The following DNAJC1 variants were observed in gnomAD, a reference collection of about 807,000 sequenced individuals.
The protein encoded by DNAJC1 is DnaJ heat shock protein family (Hsp40) member C1.
A neutral mutation model predicts 76.6 loss-of-function variants in DNAJC1; 58 were observed. That is an observed-to-expected ratio of 0.76 (90% confidence interval 0.61 to 0.94). DNAJC1 has a LOEUF of 0.94. DNAJC1 is among the 40% of genes least tolerant of loss of function. The probability of loss-of-function intolerance (pLI) is 0.00; values close to 1 mark genes in which losing one functional copy is unlikely to be tolerated. For synonymous variants in DNAJC1, 258 were observed against 267.9 expected (o/e 0.96, Z 0.36); for missense variants, 689 against 677.3 (o/e 1.02, Z -0.19).
intron 8 of DNAJC1, among the ~76,000 whole-genome samples, chr10:21,880,537 T>C (rs1414839829): frequency 6.6e-6 from 1 of 152,136 alleles, no homozygotes; most frequent in East Asian, 1.9e-4. Flanking sequence ...ATATAGACAA[T>C]GTTCATCTCC....
intron 1 of DNAJC1, among the ~76,000 whole-genome samples, chr10:21,956,017 GT>G (rs1365727317): frequency 3.9e-5 from 6 of 152,088 alleles, no homozygotes; most frequent in African/African-American, 1.4e-4. Flanking sequence ...CATTATCTTT[GT>G]ATTGTGATGC....
Position 22,003,708 on chromosome 10 carries a change from G to T in DNAJC1, c.-274C>A, listed in dbSNP as rs909100947. 5 of 353,076 alleles carry T rather than the reference G, an allele frequency of 1.4e-5. No homozygotes were observed. Among genetic ancestry groups the T allele is most frequent in the African/African-American group, 1.1e-4 (5 of 46,904 alleles). 21.9% of individuals were successfully genotyped at this position (353,076 alleles called of 1,614,324 possible). On this transcript the variant is annotated 5_prime_UTR_variant, in exon 1 of 12. Coordinates refer to ENST00000376980, the MANE Select transcript of DNAJC1 (RefSeq NM_022365.4). ...GCCTACACACAGCTGTAGAGGCAGC[G>T]CCCGGCGCCTGGGCTGCACAGTGGG...
chr10:21,965,498 C>T (rs931210975), intron 1 of DNAJC1, among the ~76,000 whole-genome samples: 4 of 152,126 alleles, frequency 2.6e-5, no homozygotes, highest in African/African-American at 9.7e-5. Context: ...ACTTGCTGGG[C>T]TGCATTCCCA....
chr10:21,965,261 A>T (rs1329933605), intron 1 of DNAJC1, among the ~76,000 whole-genome samples: 1 of 152,130 alleles, frequency 6.6e-6, no homozygotes, highest in Non-Finnish European at 1.5e-5. Flanking sequence ...TCTGCTGTCT[A>T]GTCTATTTTG....
rs148861473 is a variant in DNAJC1 at position 21,868,932 on chromosome 10, T to C, written c.978+13350A>G. On this transcript the variant is annotated intron_variant, in intron 8 of 11. Coordinates refer to ENST00000376980, the MANE Select transcript of DNAJC1 (RefSeq NM_022365.4). ...TGACAAAACAGATTCTTTGTAGCAA[T>C]AGGATACCAAATTCCAACCTTTGGT... 1.6e-3 allele frequency among the ~76,000 whole-genome samples: 238 copies of C among 152,016 alleles called. 2 individuals carry two copies. The highest frequency in any genetic ancestry group is 4.4e-3 in the African/African-American group (183 of 41,398).
intron 1 of DNAJC1, among the ~76,000 whole-genome samples, chr10:21,943,473 G>A (rs1026345318): frequency 6.6e-6 from 1 of 152,120 alleles, no homozygotes; most frequent in East Asian, 1.9e-4. Flanking sequence ...TCTGCCTACT[G>A]TACCTTCCAA....
chr10:21,845,466 T>A (rs971186529), intron 8 of DNAJC1, among the ~76,000 whole-genome samples: 4 of 151,854 alleles, frequency 2.6e-5, no homozygotes, highest in Non-Finnish European at 2.9e-5. Context: ...CCTATTCTCC[T>A]GCCTTAGCCT....
intron 9 of DNAJC1, among the ~76,000 whole-genome samples, chr10:21,781,191 C>T (rs1488310049): frequency 6.6e-6 from 1 of 152,154 alleles, no homozygotes; most frequent in Admixed American, 6.5e-5. Flanking sequence ...ATCAAAGAGA[C>T]AGAAAGTTAA....
intron 7 of DNAJC1, among the ~76,000 whole-genome samples, chr10:21,895,745 G>T (rs1393845007): frequency 6.6e-6 from 1 of 152,080 alleles, no homozygotes; most frequent in African/African-American, 2.4e-5. Context: ...GACCGCAAAG[G>T]CATTTTGGAG....
intron 6 of DNAJC1, among the ~76,000 whole-genome samples, chr10:21,918,382 T>G (rs1564826913): frequency 6.6e-6 from 1 of 151,092 alleles, no homozygotes; most frequent in Non-Finnish European, 1.5e-5. Flanking sequence ...AAAGTTTTTT[T>G]TTTTTTTTTT....
intron 8 of DNAJC1, among the ~76,000 whole-genome samples, chr10:21,845,194 A>G (rs984198971): frequency 3.3e-5 from 5 of 152,080 alleles, no homozygotes; most frequent in Non-Finnish European, 7.4e-5. Flanking sequence ...AGCACTAGTG[A>G]CAAGATGATA....
chr10:21,896,298 G>T (rs1836541492), intron 7 of DNAJC1, among the ~76,000 whole-genome samples: 1 of 151,952 alleles, frequency 6.6e-6, no homozygotes, highest in South Asian at 2.1e-4. Flanking sequence ...ATAGTGCTGG[G>T]GTTGCCCAGA....
intron 7 of DNAJC1, among the ~76,000 whole-genome samples, chr10:21,889,181 G>C (rs927778420): frequency 3.3e-5 from 5 of 152,086 alleles, no homozygotes; most frequent in African/African-American, 1.2e-4. Context: ...GGGAGAACAG[G>C]TGTCTTACAT....
chr10:21,771,341 C>T (rs1834374828), intron 9 of DNAJC1, among the ~76,000 whole-genome samples: 1 of 152,224 alleles, frequency 6.6e-6, no homozygotes, highest in South Asian at 2.1e-4. Flanking sequence ...CAAGAGCAGA[C>T]ATCCTTGTTT....
chr10:21,763,575 T>C (rs1834264597), intron 10 of DNAJC1, among the ~76,000 whole-genome samples: 1 of 151,620 alleles, frequency 6.6e-6, no homozygotes, highest in Admixed American at 6.6e-5. Flanking sequence ...GTTTTTTTTT[T>C]TTTTTTTTAG....
Position 21,929,161 on chromosome 10 carries a change from G to A in DNAJC1, c.223-20C>T, listed in dbSNP as rs965577187. ...TGCATCCTGGAGGTGGTAGGGGGAG[G>A]GGAAAATACAAAGCAAACTTTGTCA... On this transcript the variant is annotated intron_variant, in intron 1 of 11. Transcript: ENST00000376980. The A allele has an allele frequency of 6.5e-7, 1 of 1,547,910 alleles. No individual in the cohort carries two copies.
chr10:21,913,762 C>T (rs1305638020), intron 6 of DNAJC1, among the ~76,000 whole-genome samples: 1 of 152,126 alleles, frequency 6.6e-6, no homozygotes, highest in Non-Finnish European at 1.5e-5. Flanking sequence ...CAGAAACAGA[C>T]TGGTAAGATG....
intron 8 of DNAJC1, among the ~76,000 whole-genome samples, chr10:21,874,185 G>C (rs1836148070): frequency 6.6e-6 from 1 of 152,236 alleles, no homozygotes; most frequent in Non-Finnish European, 1.5e-5. Context: ...GGAGGCCGAA[G>C]AGGGAGGATC....
intron 8 of DNAJC1, among the ~76,000 whole-genome samples, chr10:21,833,132 C>G (rs1835388236): frequency 6.6e-6 from 1 of 152,230 alleles, no homozygotes; most frequent in African/African-American, 2.4e-5. Context: ...TTATTTAGCT[C>G]TTTGTCTGAC....
Sources: gnomAD v4.1 joint callset for allele counts (sites outside exome capture counted in the v4.1 genomes callset) on GRCh38, gnomAD v4.1.1 for gene constraint, MANE v1.5 for transcripts, NCBI Gene and HGNC (gene_info 2026-07-23, HGNC 2026-07-21) for gene names.